GALK2: variants seen among roughly 807,000 people sequenced by gnomAD.
The protein encoded by GALK2 is N-acetylgalactosamine kinase.
GALK2 carries 36 observed loss-of-function variants against 52.4 expected under a neutral mutation model. The ratio of observed to expected loss-of-function variants is 0.69; its 90% CI spans 0.53 to 0.91. The LOEUF (loss-of-function observed/expected upper bound fraction) is 0.91, where lower values mean the gene tolerates loss of function less well. GALK2 is among the 40% of genes least tolerant of loss of function. The pLI is 0.00. For missense variants in GALK2, 579 were observed against 559.1 expected, an observed-to-expected ratio of 1.04 and a Z score of -0.36; for synonymous variants, 176 against 199.1, an observed-to-expected ratio of 0.88 and a Z score of 0.98.
intron 8 of GALK2, among the ~76,000 whole-genome samples, chr15:49,304,489 G>A (rs2141881658): frequency 6.6e-6 from 1 of 152,342 alleles, no homozygotes; most frequent in East Asian, 1.9e-4. Flanking sequence ...ATGGCAGGAG[G>A]AAGGTAATGT....
intron 5 of GALK2, among the ~76,000 whole-genome samples, chr15:49,266,649 A>T (rs776765968): frequency 9.0e-4 from 137 of 152,158 alleles, no homozygotes; most frequent in Admixed American, 1.4e-3. Context: ...CATTGGGAAG[A>T]TTTTTCTGAA....
At chr15:49,173,139 A>G (rs1035932728) in intron 1 of GALK2, among the ~76,000 whole-genome samples, 2 of 152,196 alleles carry the variant, frequency 1.3e-5, no homozygotes, top group Admixed American at 6.5e-5. Context: ...GGGCATTTCA[A>G]ATGAATGGAA....
chr15:49,219,129 G>A (rs2089605880), intron 3 of GALK2, among the ~76,000 whole-genome samples: 1 of 152,090 alleles, frequency 6.6e-6, no homozygotes, highest in Admixed American at 6.5e-5. Flanking sequence ...ATCCGTCCTG[G>A]TTTGCCTTTG....
At chr15:49,355,172 AAGC>A (rs2042925089) in intron 3 of GALK2, among the ~76,000 whole-genome samples, 1 of 152,038 alleles carries the variant, frequency 6.6e-6, no homozygotes, top group Admixed American at 6.5e-5. Context: ...AAACTCTAAA[AAGC>A]AGAGCGCCTC....
At chr15:49,335,583 G>A (rs1416978437), downstream of GALK2, 15 of 881,350 alleles carry the variant, frequency 1.7e-5, no homozygotes, top group South Asian at 1.6e-4. Flanking sequence ...CAAGGGGACC[G>A]TGTGACCTTC....
chr15:49,366,280 T>C, intron 3 of GALK2: 1 of 787,130 alleles, frequency 1.3e-6, no homozygotes, highest in Non-Finnish European at 2.4e-6. Flanking sequence ...ATGCAATCAG[T>C]ATTTTCACAT....
At chr15:49,316,841 A>T (rs1358186785) in intron 8 of GALK2, among the ~76,000 whole-genome samples, 1 of 152,138 alleles carries the variant, frequency 6.6e-6, no homozygotes, top group East Asian at 1.9e-4. Flanking sequence ...TCTGCAAGGG[A>T]GGAGCCGGGG....
In GALK2 at chr15:49,365,986, A is replaced by G. The variant is rs148045916; in HGVS notation, c.427-1505A>G. 4.8e-4 allele frequency: 397 copies of G among 819,378 alleles called. No homozygotes were observed. In the African/African-American group the frequency reaches 6.2e-3, roughly 13 times the overall value. The allele number at this position is 819,378 out of a possible 1,614,324, so 50.8% of individuals were successfully genotyped here. A position where few individuals can be genotyped will look rare whatever the true frequency, so the allele number is the denominator to read the frequency against. On this transcript the variant is annotated intron_variant, in intron 3 of 3. Coordinates refer to the GALK2 transcript ENST00000558399. ...GTGGAAGAAATAAAGTAAGACCATC[A>G]TAACACAGTAGATGACTACAAATAT...
intron 9 of GALK2, among the ~76,000 whole-genome samples, chr15:49,326,359 C>T (rs948596846): frequency 6.9e-6 from 1 of 144,184 alleles, no homozygotes; most frequent in African/African-American, 2.6e-5. Flanking sequence ...CTCCTGGGTT[C>T]AAGCAGTTCT....
At chr15:49,238,477 CTG>C (rs1378331690) in intron 4 of GALK2, among the ~76,000 whole-genome samples, 1 of 152,206 alleles carries the variant, frequency 6.6e-6, no homozygotes, top group African/African-American at 2.4e-5. Context: ...TATGGCTAAA[CTG>C]TATCTATAAA....
chr15:49,219,080 G>A (rs2089602482), intron 3 of GALK2, among the ~76,000 whole-genome samples: 1 of 152,188 alleles, frequency 6.6e-6, no homozygotes, highest in African/African-American at 2.4e-5. Context: ...ACCTGCATCA[G>A]CCTCCCAAAG....
intron 2 of GALK2, among the ~76,000 whole-genome samples, chr15:49,216,959 A>T (rs1309236754): frequency 6.6e-6 from 1 of 152,016 alleles, no homozygotes; most frequent in Non-Finnish European, 1.5e-5. Flanking sequence ...ATTTTCAGGT[A>T]CTCACCTGAA....
chr15:49,306,198 G>A (rs894406370), intron 8 of GALK2, among the ~76,000 whole-genome samples: 6 of 151,472 alleles, frequency 4.0e-5, no homozygotes, highest in African/African-American at 1.2e-4. Context: ...AGCAAACTCC[G>A]GACAACAGCC....
In GALK2 at chr15:49,319,657, C is replaced by T. The variant is rs144322038; in HGVS notation, c.1021C>T (p.Arg341Ter). The T allele has an allele frequency of 2.3e-5, 37 of 1,614,022 alleles. No homozygotes were observed. The highest frequency in any genetic ancestry group is 1.5e-4 in the Admixed American group (9 of 60,004). ...RAKHVYSEAA[R>*]VLQFKKICEE... ...AAAGCATGTGTACAGCGAGGCTGCG[C>T]GAGTGCTCCAGTTTAAGAAGATATG... Residue 341 changes from arginine (R) to a stop codon, truncating the protein, a stop_gained, in exon 9 of 10, where the codon CGA becomes TGA. Coordinates refer to ENST00000560031, the MANE Select transcript of GALK2 (RefSeq NM_002044.4). LOFTEE classifies it high-confidence loss of function.
At position 49,359,488 on chromosome 15, in the gene GALK2, ATGCTCATCAT is replaced by A. The variant is rs1289795026; in HGVS notation, c.427-8002_427-7993del. Among the ~76,000 whole-genome samples the A allele has an allele frequency of 1.7e-5, 2 of 119,578 alleles. 1 individual carries two copies. Among genetic ancestry groups the A allele is most frequent in the Non-Finnish European group, 3.7e-5 (2 of 54,392 alleles). The allele number at this position is 119,578 out of a possible 152,430, so 78.4% of individuals were successfully genotyped here. On this transcript the variant is annotated intron_variant, in intron 3 of 3. Coordinates refer to the GALK2 transcript ENST00000558399. ...ATGCAGCCAAAAAACACATGAAAAA[ATGCTCATCAT>A]CACTGGCCGTCAGAGAAATGCAAAT...
intron 1 of GALK2, among the ~76,000 whole-genome samples, chr15:49,164,983 A>C (rs1223276655): frequency 6.6e-6 from 1 of 152,012 alleles, no homozygotes; most frequent in Non-Finnish European, 1.5e-5. Flanking sequence ...AGTTTGCATC[A>C]ATTTTTGTAA....
At chr15:49,360,809 T>A (rs769693865) in intron 3 of GALK2, among the ~76,000 whole-genome samples, 9 of 152,192 alleles carry the variant, frequency 5.9e-5, no homozygotes, top group Non-Finnish European at 1.2e-4. Context: ...AACAAGTTTA[T>A]CATCCTTATA....
chr15:49,237,669 GT>G (rs1426638231), intron 4 of GALK2, among the ~76,000 whole-genome samples: 1 of 151,864 alleles, frequency 6.6e-6, no homozygotes, highest in African/African-American at 2.4e-5. Flanking sequence ...TAGAGACGGG[GT>G]TTCACTATAT....
intron 5 of GALK2, among the ~76,000 whole-genome samples, chr15:49,255,886 AT>A (rs2091796698): frequency 6.6e-6 from 1 of 152,110 alleles, no homozygotes; most frequent in Non-Finnish European, 1.5e-5. Flanking sequence ...TTGTCAAGGA[AT>A]TTCAATTCAT....
Sources: gnomAD v4.1 joint callset for allele counts (sites outside exome capture counted in the v4.1 genomes callset) on GRCh38, gnomAD v4.1.1 for gene constraint, MANE v1.5 for transcripts, NCBI Gene and HGNC (gene_info 2026-07-23, HGNC 2026-07-21) for gene names.